KCNAB1: variants seen among roughly 807,000 people sequenced by gnomAD.
KCNAB1 encodes the protein voltage-gated potassium channel subunit beta-1.
In KCNAB1, 35 loss-of-function variants were observed where a neutral mutation model predicts 64.6. The ratio of observed to expected loss-of-function variants is 0.54; its 90% CI spans 0.41 to 0.72. KCNAB1 has a LOEUF of 0.72. KCNAB1 is among the 30% of genes least tolerant of loss of function. The pLI, the probability that KCNAB1 is intolerant of heterozygous loss-of-function variation, is 0.00. For missense variants in KCNAB1, 401 were observed against 512.9 expected (o/e 0.78, Z 2.11); for synonymous variants, 177 against 183.8 (o/e 0.96, Z 0.30).
At chr3:156,472,245 T>C in intron 7 of KCNAB1, among the ~76,000 whole-genome samples, 1 of 152,228 alleles carries the variant, frequency 6.6e-6, no homozygotes, top group East Asian at 1.9e-4. Flanking sequence ...CATGTATTAC[T>C]ACTTACACAA....
intron 1 of KCNAB1, among the ~76,000 whole-genome samples, chr3:156,354,120 G>A (rs1239413925): frequency 3.8e-5 from 5 of 132,556 alleles, no homozygotes; most frequent in Non-Finnish European, 6.3e-5. Context: ...ATGTGTGTGT[G>A]TATATATATA....
chr3:156,524,194 G>C, intron 12 of KCNAB1: 1 of 385,570 alleles, frequency 2.6e-6, no homozygotes, highest in Non-Finnish European at 4.7e-6. Flanking sequence ...ACATGTCAGT[G>C]ATAACATACA....
intron 10 of KCNAB1, among the ~76,000 whole-genome samples, chr3:156,515,772 T>C (rs550602363): frequency 1.9e-4 from 29 of 152,244 alleles, no homozygotes; most frequent in African/African-American, 5.3e-4. Context: ...ACAAGCCACA[T>C]TTTCAGGCTT....
intron 1 of KCNAB1, among the ~76,000 whole-genome samples, chr3:156,155,064 A>T (rs1715637334): frequency 6.6e-6 from 1 of 152,224 alleles, no homozygotes; most frequent in African/African-American, 2.4e-5. Flanking sequence ...AAGATGGAAA[A>T]ACAGGTTCAT....
At chr3:156,394,390 A>T (rs1000334973) in intron 1 of KCNAB1, among the ~76,000 whole-genome samples, 1 of 152,050 alleles carries the variant, frequency 6.6e-6, no homozygotes, top group African/African-American at 2.4e-5. Context: ...GTGGTGGGGG[A>T]AGTTGGGCTA....
At chr3:156,289,857 C>G (rs1294177296) in intron 1 of KCNAB1, among the ~76,000 whole-genome samples, 2 of 152,184 alleles carry the variant, frequency 1.3e-5, no homozygotes, top group Non-Finnish European at 2.9e-5. Flanking sequence ...GTCAGACCAG[C>G]TATTTTTTTA....
chr3:156,341,131 A>C (rs73873318), intron 1 of KCNAB1, among the ~76,000 whole-genome samples: 1,721 of 152,346 alleles, frequency 0.011, 36 homozygotes, highest in African/African-American at 0.038. Context: ...ACAGCAAAAA[A>C]TACAGAACTT....
chr3:156,290,206 A>C (rs1242848990), intron 1 of KCNAB1, among the ~76,000 whole-genome samples: 1 of 152,110 alleles, frequency 6.6e-6, no homozygotes, highest in East Asian at 1.9e-4. Context: ...TGTTAGTCAG[A>C]CCCTTTAAGG....
At position 156,243,077 on chromosome 3, in the gene KCNAB1, T is replaced by G. The variant is rs151103852; in HGVS notation, c.275+122191T>G. Among the ~76,000 whole-genome samples, 452 of 151,764 alleles carry G rather than the reference T, an allele frequency of 3.0e-3. 2 individuals are homozygous for G. The highest frequency in any genetic ancestry group is 0.01 in the African/African-American group (429 of 41,368). On this transcript the variant is annotated intron_variant, in intron 1 of 13. Transcript: ENST00000490337. The stretch of plus-strand genomic sequence containing the variant: ...GGCATGTGCCACCACACCTGGCCAA[T>G]TTTTGTATTTTTAGGAGAGACAGGG...
intron 7 of KCNAB1, among the ~76,000 whole-genome samples, chr3:156,468,649 A>G (rs182777449): frequency 3.3e-4 from 50 of 152,340 alleles, no homozygotes; most frequent in Non-Finnish European, 5.4e-4. Flanking sequence ...TGTCTGTCAC[A>G]TAATAAGCAC....
chr3:156,531,381 A>G, intron 12 of KCNAB1, 28 bp from the exon 13 acceptor site: 1 of 1,548,862 alleles, frequency 6.5e-7, no homozygotes, highest in East Asian at 2.2e-5. Context: ...GTGCTTTGAT[A>G]AACTGACCCA....
chr3:156,451,582 GTTC>G (rs10568755), intron 2 of KCNAB1, among the ~76,000 whole-genome samples: 38,671 of 151,902 alleles, frequency 0.25, 10,218 homozygotes, highest in African/African-American at 0.68. Flanking sequence ...TTTGGAAAGT[GTTC>G]TTCCATAAAT....
intron 1 of KCNAB1, among the ~76,000 whole-genome samples, chr3:156,187,041 A>G (rs911242692): frequency 2.0e-5 from 3 of 151,932 alleles, no homozygotes; most frequent in Non-Finnish European, 4.4e-5. Flanking sequence ...TTTTGTAGAG[A>G]CAGGTTCTCC....
chr3:156,227,875 C>T (rs551614671), intron 1 of KCNAB1: 2 of 152,366 alleles, frequency 1.3e-5, no homozygotes, highest in African/African-American at 2.4e-5. Flanking sequence ...GGATTTTCCT[C>T]CTCCAGCCCT....
At chr3:156,179,000 CA>C (rs200144513) in intron 1 of KCNAB1, among the ~76,000 whole-genome samples, 543 of 107,972 alleles carry the variant, frequency 5.0e-3, no homozygotes, top group African/African-American at 0.017. Flanking sequence ...GACTCCGTCT[CA>C]AAAAAAAAAA....
intron 1 of KCNAB1, among the ~76,000 whole-genome samples, chr3:156,188,013 C>G (rs67899274): frequency 6.6e-6 from 1 of 152,036 alleles, no homozygotes; most frequent in Non-Finnish European, 1.5e-5. Context: ...ATATGGGACC[C>G]TTGGTGGGCA....
At chr3:156,278,953 T>C (rs1719522189) in intron 1 of KCNAB1, among the ~76,000 whole-genome samples, 1 of 151,972 alleles carries the variant, frequency 6.6e-6, no homozygotes, top group Admixed American at 6.5e-5. Context: ...ATTTTTTTAT[T>C]TATTTTTATT....
chr3:156,210,415 C>T (rs1329219891), intron 1 of KCNAB1, among the ~76,000 whole-genome samples: 1 of 152,120 alleles, frequency 6.6e-6, no homozygotes, highest in East Asian at 1.9e-4. Context: ...TGGGTGATTT[C>T]CTATGCATTC....
intron 1 of KCNAB1, among the ~76,000 whole-genome samples, chr3:156,147,522 C>T (rs1715108591): frequency 6.6e-6 from 1 of 152,056 alleles, no homozygotes; most frequent in Admixed American, 6.6e-5. Flanking sequence ...TTTCCAATAA[C>T]AAAAACACAG....
Sources: allele counts gnomAD v4.1 joint callset (sites outside exome capture counted in the v4.1 genomes callset), GRCh38; gene constraint gnomAD v4.1.1; transcripts MANE v1.5; gene names NCBI Gene and HGNC (gene_info 2026-07-23, HGNC 2026-07-21).